The following POFUT3 variants were observed in gnomAD, a reference collection of about 807,000 sequenced individuals.
POFUT3 encodes GDP-fucose protein O-fucosyltransferase 3.
chr8:33,403,432 T>C, the POFUT3 span, among the ~76,000 whole-genome samples: 6 of 152,134 alleles, frequency 3.9e-5, no homozygotes, highest in South Asian at 1.0e-3. Context: ...AAAGAAGTTA[T>C]TGGCTGGCTG....
chr8:33,324,003 C>A, the POFUT3 span, among the ~76,000 whole-genome samples: 1 of 152,112 alleles, frequency 6.6e-6, no homozygotes, highest in African/African-American at 2.4e-5. Context: ...TTCAAGGAAT[C>A]AGGGCTGGGT....
chr8:33,389,207 A>T, the POFUT3 span: 1 of 1,614,036 alleles, frequency 6.2e-7, no homozygotes, highest in African/African-American at 1.3e-5. Context: ...TTCTGATACA[A>T]GAATAGCACT....
chr8:33,362,524 T>C, the POFUT3 span, among the ~76,000 whole-genome samples: 1 of 151,794 alleles, frequency 6.6e-6, no homozygotes, highest in Non-Finnish European at 1.5e-5. Flanking sequence ...AGGAGACCCG[T>C]CTCACGTGCA....
the POFUT3 span, chr8:33,389,251 G>C: frequency 6.2e-7 from 1 of 1,614,056 alleles, no homozygotes; most frequent in Middle Eastern, 1.6e-4. Flanking sequence ...TGATGCTGGG[G>C]GATCCGTAAT....
At chr8:33,446,377 A>G in the POFUT3 span, among the ~76,000 whole-genome samples, 3 of 151,308 alleles carry the variant, frequency 2.0e-5, no homozygotes, top group Non-Finnish European at 4.4e-5. Context: ...GAATCTCTCG[A>G]ACACAGGAGG....
the POFUT3 span, among the ~76,000 whole-genome samples, chr8:33,433,484 C>A: frequency 6.6e-6 from 1 of 151,502 alleles, no homozygotes; most frequent in Non-Finnish European, 1.5e-5. Flanking sequence ...CGGTGGCAGG[C>A]GCCTGTAGTC....
the POFUT3 span, among the ~76,000 whole-genome samples, chr8:33,328,584 G>A: frequency 6.6e-6 from 1 of 152,122 alleles, no homozygotes; most frequent in East Asian, 1.9e-4. Flanking sequence ...TGAGTCAACA[G>A]CCTGTCTGCA....
chr8:33,405,135 C>T, the POFUT3 span, among the ~76,000 whole-genome samples: 1 of 152,042 alleles, frequency 6.6e-6, no homozygotes, highest in Non-Finnish European at 1.5e-5. Context: ...TAGCTCCCCA[C>T]CAGACCAGAA....
the POFUT3 span, chr8:33,452,833 G>A: frequency 2.1e-5 from 4 of 191,514 alleles, no homozygotes; most frequent in Non-Finnish European, 3.2e-5. Flanking sequence ...TATGTGATAG[G>A]TACATAAATG....
chr8:33,317,280 G>A, the POFUT3 span, among the ~76,000 whole-genome samples: 9 of 152,074 alleles, frequency 5.9e-5, no homozygotes, highest in African/African-American at 2.2e-4. Context: ...CTGTCCACTG[G>A]CACATCAATT....
the POFUT3 span, among the ~76,000 whole-genome samples, chr8:33,413,793 T>C: frequency 6.6e-6 from 1 of 152,108 alleles, no homozygotes; most frequent in African/African-American, 2.4e-5. Flanking sequence ...CTGCAATACA[T>C]ACAATAAAGA....
the POFUT3 span, among the ~76,000 whole-genome samples, chr8:33,391,404 G>C: frequency 6.6e-6 from 1 of 152,174 alleles, no homozygotes; most frequent in Admixed American, 6.5e-5. Context: ...TTGTTTATTG[G>C]CATTTGCTAT....
chr8:33,360,527 G>C, the POFUT3 span, among the ~76,000 whole-genome samples: 1 of 152,058 alleles, frequency 6.6e-6, no homozygotes, highest in African/African-American at 2.4e-5. Context: ...CCCATCACCA[G>C]AGAATGTTTC....
the POFUT3 span, among the ~76,000 whole-genome samples, chr8:33,383,273 C>T: frequency 6.6e-6 from 1 of 152,168 alleles, no homozygotes; most frequent in Admixed American, 6.5e-5. Flanking sequence ...GTTTCCATTT[C>T]TGTTTTCTGT....
chr8:33,364,777 A>G, the POFUT3 span, among the ~76,000 whole-genome samples: 1 of 152,228 alleles, frequency 6.6e-6, no homozygotes, highest in Non-Finnish European at 1.5e-5. Context: ...ACACAAACGA[A>G]TGGAAGAATA....
the POFUT3 span, among the ~76,000 whole-genome samples, chr8:33,353,818 C>T: frequency 6.6e-6 from 1 of 152,100 alleles, no homozygotes; most frequent in Non-Finnish European, 1.5e-5. Context: ...CTGATTCTGT[C>T]CCAAAAGCCC....
the POFUT3 span, among the ~76,000 whole-genome samples, chr8:33,365,980 A>T: frequency 6.6e-6 from 1 of 152,214 alleles, no homozygotes; most frequent in Non-Finnish European, 1.5e-5. Flanking sequence ...GGCACTATTC[A>T]CAATAGCAAA....
the POFUT3 span, among the ~76,000 whole-genome samples, chr8:33,446,269 C>T: frequency 6.6e-6 from 1 of 151,952 alleles, no homozygotes; most frequent in Admixed American, 6.6e-5. Context: ...CCAGCCTGGC[C>T]AGCATGGTGA....
At chr8:33,320,994 C>A in the POFUT3 span, among the ~76,000 whole-genome samples, 27 of 152,196 alleles carry the variant, frequency 1.8e-4, no homozygotes, top group African/African-American at 6.5e-4. Context: ...TAGACGCTAG[C>A]TACCACCATC....
Sources: gnomAD v4.1 joint callset for allele counts (sites outside exome capture counted in the v4.1 genomes callset) on GRCh38, gnomAD v4.1.1 for gene constraint, MANE v1.5 for transcripts, NCBI Gene and HGNC (gene_info 2026-07-23, HGNC 2026-07-21) for gene names.